STXBP6: variants seen among roughly 807,000 people sequenced by gnomAD.
The protein encoded by STXBP6 is syntaxin binding protein 6, also known as syntaxin-binding protein 6.
Under a neutral mutation model 26.9 loss-of-function variants are expected in STXBP6, and 21 were observed. The ratio of observed to expected loss-of-function variants is 0.78; its 90% confidence interval spans 0.55 to 1.12. The LOEUF (loss-of-function observed/expected upper bound fraction) is 1.12, where lower values mean the gene tolerates loss of function less well. Among genes scored for constraint, STXBP6 ranks in the 50% most tolerant of loss-of-function variants. The pLI, the probability that STXBP6 is intolerant of heterozygous loss-of-function variation, is 0.00. For synonymous variants in STXBP6, 97 were observed against 92.6 expected (o/e 1.05, Z -0.27); for missense variants, 232 against 257.9 (o/e 0.90, Z 0.69).
rs370372178 is a variant in STXBP6 at position 25,006,493 on chromosome 14, G to A, written c.-32-31643C>T. Among the ~76,000 whole-genome samples the A allele has an allele frequency of 3.1e-4, 47 of 152,252 alleles. 1 individual carries two copies. Among genetic ancestry groups the A allele is most frequent in the African/African-American group, 1.1e-3 (46 of 41,544 alleles). On this transcript the variant is annotated intron_variant, in intron 1 of 5. Transcript: ENST00000323944. ...GTCCCATATAGATGATAAACATGAG[G>A]AACCCTCACATAAACATGGTTGATG...
intron 2 of STXBP6, among the ~76,000 whole-genome samples, chr14:24,924,979 G>C (rs948311077): frequency 6.6e-6 from 1 of 152,180 alleles, no homozygotes; most frequent in Non-Finnish European, 1.5e-5. Context: ...AGATACCGTT[G>C]TATCAAGATA....
chr14:24,995,662 C>G (rs1440037069), intron 1 of STXBP6, among the ~76,000 whole-genome samples: 1 of 152,100 alleles, frequency 6.6e-6, no homozygotes, highest in East Asian at 1.9e-4. Context: ...CCAAATTATC[C>G]TAGCTCCTAG....
intron 2 of STXBP6, among the ~76,000 whole-genome samples, chr14:24,894,004 A>G (rs944392814): frequency 1.3e-5 from 2 of 152,236 alleles, no homozygotes; most frequent in African/African-American, 4.8e-5. Context: ...AAATCAGGGA[A>G]AAGAAAAAAA....
At chr14:25,013,997 G>A (rs1430671429) in intron 1 of STXBP6, among the ~76,000 whole-genome samples, 1 of 152,192 alleles carries the variant, frequency 6.6e-6, no homozygotes, top group African/African-American at 2.4e-5. Context: ...TTTTAGAGAT[G>A]TGTACCCAAA....
At chr14:25,026,276 C>T (rs1177001541) in intron 1 of STXBP6, among the ~76,000 whole-genome samples, 1 of 151,504 alleles carries the variant, frequency 6.6e-6, no homozygotes, top group African/African-American at 2.4e-5. Context: ...AAGACGGTGC[C>T]AAAAAGAGAA....
intron 1 of STXBP6, among the ~76,000 whole-genome samples, chr14:25,002,587 C>T (rs923619209): frequency 1.3e-5 from 2 of 151,962 alleles, no homozygotes; most frequent in Admixed American, 6.6e-5. Flanking sequence ...TCTCGATCTC[C>T]TGACCTCGTG....
At chr14:24,820,178 G>A (rs531292865) in intron 4 of STXBP6, among the ~76,000 whole-genome samples, 1 of 152,308 alleles carries the variant, frequency 6.6e-6, no homozygotes, top group Admixed American at 6.5e-5. Context: ...TTTATATAAT[G>A]ACTTTATGTC....
intron 2 of STXBP6, among the ~76,000 whole-genome samples, chr14:24,864,425 A>T (rs939425067): frequency 6.6e-6 from 1 of 152,004 alleles, no homozygotes; most frequent in Non-Finnish European, 1.5e-5. Flanking sequence ...GAACTAAAAA[A>T]CCCTTTACAA....
intron 2 of STXBP6, among the ~76,000 whole-genome samples, chr14:24,932,170 A>G (rs1357119795): frequency 6.6e-6 from 1 of 152,150 alleles, no homozygotes; most frequent in Non-Finnish European, 1.5e-5. Context: ...GCACTTTGGG[A>G]GGCCAAGGCG....
chr14:24,850,412 A>C (rs192780105), intron 4 of STXBP6, among the ~76,000 whole-genome samples: 21 of 152,270 alleles, frequency 1.4e-4, no homozygotes, highest in Admixed American at 1.4e-3. Context: ...TGTGCATAGA[A>C]GCGTAATGCT....
chr14:24,841,145 T>C (rs1045402681), intron 4 of STXBP6, among the ~76,000 whole-genome samples: 1 of 152,200 alleles, frequency 6.6e-6, no homozygotes. Flanking sequence ...AGCAAGGGTC[T>C]AGAGGTGGTG....
At chr14:24,992,767 C>T (rs1030376412) in intron 1 of STXBP6, among the ~76,000 whole-genome samples, 1 of 152,176 alleles carries the variant, frequency 6.6e-6, no homozygotes, top group African/African-American at 2.4e-5. Flanking sequence ...ATATACAGCA[C>T]AGCATCCCAG....
intron 2 of STXBP6, among the ~76,000 whole-genome samples, chr14:24,858,493 A>G (rs1285726394): frequency 2.0e-5 from 3 of 152,132 alleles, no homozygotes; most frequent in Non-Finnish European, 2.9e-5. Context: ...TATTTCAGTT[A>G]TATTTGCTAA....
At chr14:25,042,742 C>G (rs1175212830) in intron 1 of STXBP6, among the ~76,000 whole-genome samples, 1 of 152,114 alleles carries the variant, frequency 6.6e-6, no homozygotes, top group Non-Finnish European at 1.5e-5. Flanking sequence ...AATCTCAGGC[C>G]CCATCCCAGA....
In STXBP6 at chr14:24,889,574, A is replaced by AT. The variant is rs531751509; in HGVS notation, c.155-32418dup. ...AAACTTAAAGTATAATAATAATAAA[A>AT]TAAAAAAAGAAAAAAAAAGAATACC... On this transcript the variant is annotated intron_variant, in intron 2 of 5. Coordinates refer to ENST00000323944, the MANE Select transcript of STXBP6 (RefSeq NM_001394410.1). Among the ~76,000 whole-genome samples, 641 of 129,748 alleles carry AT rather than the reference A, an allele frequency of 4.9e-3. 12 individuals are homozygous for AT. The highest frequency in any genetic ancestry group is 0.018 in the African/African-American group (604 of 34,300). The allele number at this position is 129,748 out of a possible 152,430, so 85.1% of individuals were successfully genotyped here. A position where few individuals can be genotyped will look rare whatever the true frequency, so the allele number is the denominator to read the frequency against.
chr14:24,826,633 A>G (rs2068292701), intron 4 of STXBP6, among the ~76,000 whole-genome samples: 1 of 152,032 alleles, frequency 6.6e-6, no homozygotes, highest in Admixed American at 6.6e-5. Flanking sequence ...TGCCTATTTT[A>G]TGTTTCCTCC....
intron 1 of STXBP6, among the ~76,000 whole-genome samples, chr14:24,987,652 T>G (rs1460638398): frequency 6.6e-6 from 1 of 152,230 alleles, no homozygotes; most frequent in East Asian, 1.9e-4. Context: ...AGAGAAGGAA[T>G]GGGTCTTCCT....
chr14:24,870,739 G>T (rs1036647697), intron 2 of STXBP6, among the ~76,000 whole-genome samples: 1 of 152,044 alleles, frequency 6.6e-6, no homozygotes, highest in African/African-American at 2.4e-5. Flanking sequence ...AATTGTCCTG[G>T]TTCACTTAGT....
intron 2 of STXBP6, among the ~76,000 whole-genome samples, chr14:24,970,707 G>A (rs1008049177): frequency 3.3e-5 from 5 of 152,132 alleles, no homozygotes; most frequent in African/African-American, 1.2e-4. Context: ...TCTTTAGGTG[G>A]ATGTATGTTT....
Sources: allele counts gnomAD v4.1 joint callset (sites outside exome capture counted in the v4.1 genomes callset), GRCh38; gene constraint gnomAD v4.1.1; transcripts MANE v1.5; gene names NCBI Gene and HGNC (gene_info 2026-07-23, HGNC 2026-07-21).